FGF12: variants seen among roughly 807,000 people sequenced by gnomAD.
The protein encoded by FGF12 is fibroblast growth factor 12B.
Under a neutral mutation model 23.6 loss-of-function variants are expected in FGF12, and 14 were observed. That is an observed-to-expected ratio of 0.59 (90% CI 0.39 to 0.93). The LOEUF (loss-of-function observed/expected upper bound fraction) is 0.93, where lower values mean the gene tolerates loss of function less well. Ranked by LOEUF, FGF12 falls within the 40% of genes least tolerant of loss-of-function variation. The pLI, the probability that FGF12 is intolerant of heterozygous loss-of-function variation, is 0.00. For missense variants in FGF12, 175 were observed against 217.8 expected, an observed-to-expected ratio of 0.80 and a Z score of 1.24; for synonymous variants, 62 against 77.3, an observed-to-expected ratio of 0.80 and a Z score of 1.04.
chr3:192,688,569 T>C (rs1470862977), intron 2 of FGF12, among the ~76,000 whole-genome samples: 1 of 152,240 alleles, frequency 6.6e-6, no homozygotes. Context: ...CATACCACTC[T>C]GAATATGCCC....
chr3:192,707,763 G>C (rs1370053905), intron 2 of FGF12, among the ~76,000 whole-genome samples: 1 of 67,286 alleles, frequency 1.5e-5, no homozygotes, highest in Non-Finnish European at 2.9e-5. Context: ...AAAAAAAAAA[G>C]AATGAGAACA....
chr3:192,397,992 A>G (rs1720596893), intron 2 of FGF12, among the ~76,000 whole-genome samples: 1 of 152,188 alleles, frequency 6.6e-6, no homozygotes, highest in African/African-American at 2.4e-5. Flanking sequence ...TTATCTTTAT[A>G]ATAACTTATA....
intron 5 of FGF12, among the ~76,000 whole-genome samples, chr3:192,170,136 CT>C (rs5855410): frequency 0.08 from 10,166 of 127,454 alleles, 481 homozygotes; most frequent in African/African-American, 0.13. Context: ...TAGAATTTTC[CT>C]TTTTTTTTTT....
chr3:192,268,628 C>T (rs1485937709), intron 4 of FGF12: 2 of 425,424 alleles, frequency 4.7e-6, no homozygotes, highest in East Asian at 8.0e-5. Context: ...CTGCATTGCT[C>T]CTGATTTTGC....
rs192646722 is a variant in FGF12 at position 192,214,723 on chromosome 3, C to T, written c.229-44067G>A. Among the ~76,000 whole-genome samples the T allele has an allele frequency of 1.7e-3, 259 of 152,298 alleles. 2 individuals carry two copies. Among genetic ancestry groups the T allele is most frequent in the Admixed American group, 5.9e-3 (90 of 15,308 alleles). ...TGCCAACTCATAAGCATTGTTAGTC[C>T]AAGGCCAACAGCTGTCTTAAATATC... On this transcript the variant is annotated intron_variant, in intron 4 of 5. Coordinates refer to ENST00000445105, the MANE Select transcript of FGF12 (RefSeq NM_004113.6).
chr3:192,533,946 C>T (rs965860249), intron 2 of FGF12: 13 of 151,930 alleles, frequency 8.6e-5, no homozygotes, highest in African/African-American at 2.9e-4. Flanking sequence ...ATTCAGTGTC[C>T]TATCTCTATT....
In FGF12 at chr3:192,351,218, T is replaced by A. The variant is rs190929321; in HGVS notation, c.124+9210A>T. On this transcript the variant is annotated intron_variant, in intron 3 of 5. Coordinates refer to ENST00000445105, the MANE Select transcript of FGF12 (RefSeq NM_004113.6). ...TTTCAGATCTATCAGAGATACTGGA[T>A]ATTATCTTTTCTAAACGCTTCATTT... Among the ~76,000 whole-genome samples the A allele has an allele frequency of 1.4e-4, 21 of 152,288 alleles. No homozygotes were observed. In the East Asian group the frequency reaches 4.0e-3, roughly 29 times the overall value.
intron 2 of FGF12, among the ~76,000 whole-genome samples, chr3:192,692,600 G>A (rs1577124623): frequency 6.6e-6 from 1 of 151,922 alleles, no homozygotes; most frequent in South Asian, 2.1e-4. Context: ...TGGCTACCTG[G>A]GAGGCTGAGC....
intron 2 of FGF12, among the ~76,000 whole-genome samples, chr3:192,433,480 T>A (rs1345929052): frequency 6.6e-6 from 1 of 152,186 alleles, no homozygotes; most frequent in Non-Finnish European, 1.5e-5. Context: ...ATTTGAAAAA[T>A]TAACATCACA....
intron 2 of FGF12, among the ~76,000 whole-genome samples, chr3:192,484,662 G>A (rs891752060): frequency 2.6e-5 from 4 of 152,154 alleles, no homozygotes; most frequent in African/African-American, 9.7e-5. Context: ...AGAGAGGACA[G>A]TTGCCATAAA....
chr3:192,636,408 G>T (rs901803695), intron 2 of FGF12, among the ~76,000 whole-genome samples: 1 of 152,134 alleles, frequency 6.6e-6, no homozygotes, highest in Non-Finnish European at 1.5e-5. Flanking sequence ...CATTTCCATC[G>T]CTGCAGAAAG....
chr3:192,155,214 G>T (rs1410210272), intron 5 of FGF12, among the ~76,000 whole-genome samples: 2 of 152,102 alleles, frequency 1.3e-5, no homozygotes, highest in Non-Finnish European at 2.9e-5. Context: ...CCCACTGTCT[G>T]GCACTCCCTA....
At chr3:192,718,032 G>C (rs914891183) in intron 2 of FGF12, among the ~76,000 whole-genome samples, 1 of 152,112 alleles carries the variant, frequency 6.6e-6, no homozygotes. Context: ...GGCAATGAAG[G>C]ATTGAGTGCA....
Position 192,555,896 on chromosome 3 carries a change from C to T in FGF12, c.13+171285G>A, listed in dbSNP as rs180834859. Among the ~76,000 whole-genome samples, 30 of 151,694 alleles carry T rather than the reference C, an allele frequency of 2.0e-4. No homozygotes were observed. In the East Asian group the frequency reaches 2.1e-3, roughly 11 times the overall value. On this transcript the variant is annotated intron_variant, in intron 2 of 5. Transcript: ENST00000445105. The stretch of plus-strand genomic sequence containing the variant: ...TGGCACTGATACCATGGGGAGGAGA[C>T]GTAAAGGGCAGTTTTTGTGTACAAT...
intron 2 of FGF12, among the ~76,000 whole-genome samples, chr3:192,599,609 G>C (rs533444345): frequency 9.3e-4 from 141 of 151,946 alleles, no homozygotes; most frequent in Non-Finnish European, 1.9e-3. Flanking sequence ...AGAAGGATGA[G>C]AGTAATTATA....
At chr3:192,612,622 G>C (rs1714588174) in intron 2 of FGF12, among the ~76,000 whole-genome samples, 1 of 151,820 alleles carries the variant, frequency 6.6e-6, no homozygotes, top group African/African-American at 2.4e-5. Context: ...TGTGAGGGTG[G>C]AGGATACAAA....
chr3:192,258,807 G>A (rs1712569122), intron 4 of FGF12, among the ~76,000 whole-genome samples: 1 of 152,120 alleles, frequency 6.6e-6, no homozygotes, highest in Non-Finnish European at 1.5e-5. Context: ...AGCAGTGAAC[G>A]ACTTGTGAAA....
chr3:192,653,407 T>C (rs1338869401), intron 2 of FGF12, among the ~76,000 whole-genome samples: 1 of 152,192 alleles, frequency 6.6e-6, no homozygotes, highest in Non-Finnish European at 1.5e-5. Flanking sequence ...CCTGGAATGC[T>C]CAGCCAGCCT....
chr3:192,167,775 T>A (rs1412212500), intron 5 of FGF12, among the ~76,000 whole-genome samples: 349 of 26,678 alleles, frequency 0.013, 39 homozygotes, highest in Non-Finnish European at 0.029. Context: ...ATATAAAATT[T>A]TTTTTTTTTT....
Sources: gnomAD v4.1 joint callset for allele counts (sites outside exome capture counted in the v4.1 genomes callset) on GRCh38, gnomAD v4.1.1 for gene constraint, MANE v1.5 for transcripts, NCBI Gene and HGNC (gene_info 2026-07-23, HGNC 2026-07-21) for gene names.